Variants in PPP2R2B observed in about 807,000 individuals in gnomAD.
The protein encoded by PPP2R2B is serine/threonine-protein phosphatase 2A 55 kDa regulatory subunit B beta isoform.
In PPP2R2B, 5 loss-of-function variants were observed where a neutral mutation model predicts 46.0. That is an observed-to-expected ratio of 0.11 (90% CI 0.06 to 0.23). The LOEUF (loss-of-function observed/expected upper bound fraction) is 0.23. Ranked by LOEUF, PPP2R2B falls within the 10% of genes least tolerant of loss-of-function variation. PPP2R2B has a pLI of 1.00. For synonymous variants in PPP2R2B, 215 were observed against 206.7 expected (o/e 1.04, Z -0.34); for missense variants, 367 against 575.0 (o/e 0.64, Z 3.70).
At chr5:146,591,151 G>A (rs1464777136) in intron 9 of PPP2R2B, among the ~76,000 whole-genome samples, 1 of 152,064 alleles carries the variant, frequency 6.6e-6, no homozygotes, top group African/African-American at 2.4e-5. Context: ...CCCTGGAGTG[G>A]GGGGCTCCTA....
At chr5:146,763,558 G>C (rs537964404) in intron 2 of PPP2R2B, among the ~76,000 whole-genome samples, 1 of 152,312 alleles carries the variant, frequency 6.6e-6, no homozygotes, top group Non-Finnish European at 1.5e-5. Context: ...CTTTTCTGCT[G>C]CTCATAAGGA....
intron 2 of PPP2R2B, chr5:146,707,729 T>C (rs1308902504): frequency 2.3e-5 from 10 of 442,978 alleles, no homozygotes; most frequent in Non-Finnish European, 4.0e-5. Flanking sequence ...GAAACTTCTG[T>C]TAATGACAAG....
intron 2 of PPP2R2B, among the ~76,000 whole-genome samples, chr5:146,856,255 T>G (rs1003085644): frequency 2.0e-5 from 3 of 152,222 alleles, no homozygotes; most frequent in African/African-American, 7.2e-5. Context: ...CCCATGTACA[T>G]TTGGTCAAAA....
At chr5:146,926,559 G>T (rs1763788927) in intron 1 of PPP2R2B, among the ~76,000 whole-genome samples, 1 of 151,840 alleles carries the variant, frequency 6.6e-6, no homozygotes, top group Admixed American at 6.6e-5. Flanking sequence ...TTTAAACTTG[G>T]CTTGCTAGAG....
chr5:146,700,655 TA>T (rs1036465599), intron 3 of PPP2R2B, among the ~76,000 whole-genome samples: 19 of 152,184 alleles, frequency 1.2e-4, no homozygotes, highest in Non-Finnish European at 1.5e-5. Context: ...TGTTGGCAAA[TA>T]AACTATGTTT....
At chr5:146,812,950 G>A (rs1757717380) in intron 2 of PPP2R2B, among the ~76,000 whole-genome samples, 1 of 148,152 alleles carries the variant, frequency 6.7e-6, no homozygotes, top group African/African-American at 2.5e-5. Flanking sequence ...TCTCACAACA[G>A]GAGGGAATTA....
At chr5:146,825,334 C>G (rs911892527) in intron 2 of PPP2R2B, among the ~76,000 whole-genome samples, 4 of 152,210 alleles carry the variant, frequency 2.6e-5, no homozygotes, top group Admixed American at 1.3e-4. Flanking sequence ...GTGGCCCACA[C>G]TTCCATGTTT....
In PPP2R2B at chr5:146,759,474, C is replaced by A. The variant is rs76453260; in HGVS notation, c.71-58332G>T. ...ACATTACTGACATGTTTAGAGTCAG[C>A]CAATCAGCAACAGAATTCTGATTGT... On this transcript the variant is annotated intron_variant, in intron 2 of 9. Coordinates refer to ENST00000394411, the MANE Select transcript of PPP2R2B (RefSeq NM_181675.4). Among the ~76,000 whole-genome samples, 25 of 152,266 alleles carry A rather than the reference C, an allele frequency of 1.6e-4. No homozygotes were observed. The East Asian group carries it at 4.4e-3, about 27-fold the overall frequency.
Position 146,593,512 on chromosome 5 carries a change from T to A in PPP2R2B, c.961-450A>T, listed in dbSNP as rs75641010. 4.6e-4 allele frequency among the ~76,000 whole-genome samples: 70 copies of A among 152,296 alleles called. No homozygotes were observed. The East Asian group carries it at 0.013, about 29-fold the overall frequency. On this transcript the variant is annotated intron_variant, in intron 8 of 9. Coordinates refer to ENST00000394411, the MANE Select transcript of PPP2R2B (RefSeq NM_181675.4). ...TATAACCAAGTAAATAAATAAGATG[T>A]TTAGATGGTGATAAAATCATAGAAC...
At position 147,014,383 on chromosome 5, in the gene PPP2R2B, T is replaced by C. The variant is rs1010490733; in HGVS notation, c.79+41282A>G. On this transcript the variant is annotated intron_variant, in intron 1 of 8. Coordinates refer to the PPP2R2B transcript ENST00000336640. ...CCATTTGACCCAGCCATCCCATTAC[T>C]GGGTATATACCCAAATGACTATAAA... Among the ~76,000 whole-genome samples, 27 of 149,916 alleles carry C rather than the reference T, an allele frequency of 1.8e-4. No homozygotes were observed. In the South Asian group the frequency reaches 3.0e-3, roughly 17 times the overall value.
chr5:146,727,160 A>G (rs913439345), intron 2 of PPP2R2B, among the ~76,000 whole-genome samples: 3 of 152,164 alleles, frequency 2.0e-5, no homozygotes, highest in Non-Finnish European at 4.4e-5. Flanking sequence ...AGTGACAAGA[A>G]CAAGGTCTCA....
rs1378551314 is a variant in PPP2R2B at position 147,016,314 on chromosome 5, G to T, written c.79+39351C>A. ...TGCACCACTGCACTCCTGCCTAGGT[G>T]ACACAGTAAGACTCTGTCTCAAAAA... On this transcript the variant is annotated intron_variant, in intron 1 of 8. Transcript: ENST00000336640. Among the ~76,000 whole-genome samples, 4 of 151,104 alleles carry T rather than the reference G, an allele frequency of 2.6e-5. 1 individual carries two copies. The highest frequency in any genetic ancestry group is 9.7e-5 in the African/African-American group (4 of 41,314).
intron 1 of PPP2R2B, among the ~76,000 whole-genome samples, chr5:146,942,857 G>A (rs970076710): frequency 3.3e-5 from 5 of 151,782 alleles, no homozygotes; most frequent in Non-Finnish European, 5.9e-5. Flanking sequence ...GAATGCAGTG[G>A]CATGATCTTG....
chr5:146,884,422 A>T (rs536352045), intron 1 of PPP2R2B, among the ~76,000 whole-genome samples: 1 of 152,162 alleles, frequency 6.6e-6, no homozygotes, highest in African/African-American at 2.4e-5. Flanking sequence ...AATTGCTTTT[A>T]TAGGGCTCCT....
Position 146,983,176 on chromosome 5 carries a change from ATTTTTTTTTT to A in PPP2R2B, c.79+72479_79+72488del, listed in dbSNP as rs745692719. Among the ~76,000 whole-genome samples the A allele has an allele frequency of 3.7e-5, 3 of 80,856 alleles. No homozygotes were observed. In the Admixed American group the frequency reaches 6.0e-4, roughly 16 times the overall value. 53.0% of individuals were successfully genotyped at this position (80,856 alleles called of 152,430 possible). A position where few individuals can be genotyped will look rare whatever the true frequency, so the allele number is the denominator to read the frequency against. On this transcript the variant is annotated intron_variant, in intron 1 of 8. Coordinates refer to the PPP2R2B transcript ENST00000336640. ...GTTTATCTATCGTGTTTTCCAGAGC[ATTTTTTTTTT>A]TTTTTTTTTTTTGAGACGGAGTCTT...
intron 1 of PPP2R2B, among the ~76,000 whole-genome samples, chr5:146,895,328 A>G (rs1762612029): frequency 6.6e-6 from 1 of 152,190 alleles, no homozygotes; most frequent in Non-Finnish European, 1.5e-5. Flanking sequence ...CATAGCACCA[A>G]GTGTCTCCTT....
chr5:146,944,587 T>A (rs1382397344), intron 1 of PPP2R2B, among the ~76,000 whole-genome samples: 1 of 151,980 alleles, frequency 6.6e-6, no homozygotes, highest in East Asian at 1.9e-4. Context: ...AGCAGAATTG[T>A]GTCCCATGAT....
intron 1 of PPP2R2B, among the ~76,000 whole-genome samples, chr5:147,027,547 C>A (rs1392236736): frequency 6.6e-6 from 1 of 150,456 alleles, no homozygotes; most frequent in Non-Finnish European, 1.5e-5. Flanking sequence ...GCAGGAGAAT[C>A]GCTTGAACCA....
At chr5:146,901,043 T>G (rs1297429526) in intron 1 of PPP2R2B, among the ~76,000 whole-genome samples, 1 of 152,212 alleles carries the variant, frequency 6.6e-6, no homozygotes, top group Non-Finnish European at 1.5e-5. Context: ...TGATGGGCAT[T>G]TGGGTTCATT....
Sources: gnomAD v4.1 joint callset for allele counts (sites outside exome capture counted in the v4.1 genomes callset) on GRCh38, gnomAD v4.1.1 for gene constraint, MANE v1.5 for transcripts, NCBI Gene and HGNC (gene_info 2026-07-23, HGNC 2026-07-21) for gene names.